The following PELI2 variants were observed in gnomAD, a reference collection of about 807,000 sequenced individuals.
PELI2 encodes the protein E3 ubiquitin-protein ligase pellino homolog 2.
Under a neutral mutation model 42.3 loss-of-function variants are expected in PELI2, and 23 were observed. The ratio of observed to expected loss-of-function variants is 0.54; its 90% CI spans 0.39 to 0.77. The LOEUF is 0.77. Ranked by LOEUF, PELI2 falls within the 30% of genes least tolerant of loss-of-function variation. PELI2 has a pLI of 0.00. For missense variants in PELI2, 463 were observed against 553.2 expected (o/e 0.84, Z 1.64); for synonymous variants, 245 against 212.2 (o/e 1.15, Z -1.34).
chr14:56,233,328 G>C (rs1408512466), intron 2 of PELI2, among the ~76,000 whole-genome samples: 1 of 152,164 alleles, frequency 6.6e-6, no homozygotes, highest in Non-Finnish European at 1.5e-5. Flanking sequence ...CAAAGCTGGA[G>C]GCATCAAGCT....
intron 5 of PELI2, among the ~76,000 whole-genome samples, chr14:56,295,296 C>A (rs1028935976): frequency 1.3e-5 from 2 of 152,128 alleles, no homozygotes; most frequent in African/African-American, 4.8e-5. Context: ...CCCCTACCAA[C>A]TCCCTCTGGG....
intron 1 of PELI2, among the ~76,000 whole-genome samples, chr14:56,152,225 C>T (rs1355014594): frequency 1.3e-5 from 2 of 152,148 alleles, no homozygotes; most frequent in Non-Finnish European, 2.9e-5. Context: ...GTTAGATTCC[C>T]AGTTCTGCCA....
In PELI2 at chr14:56,197,969, GACACACACACAC is replaced by G. The variant is rs4038318; in HGVS notation, c.207+19538_207+19549del. Among the ~76,000 whole-genome samples the G allele has an allele frequency of 0.046, 5,929 of 129,748 alleles. 161 individuals carry two copies. The highest frequency in any genetic ancestry group is 0.062 in the Non-Finnish European group (3,879 of 62,222). 85.1% of individuals were successfully genotyped at this position (129,748 alleles called of 152,430 possible). A position where few individuals can be genotyped will look rare whatever the true frequency, so the allele number is the denominator to read the frequency against. ...CACACCAGGGATCATGACTGGTGAA[GACACACACACAC>G]ACACACACACACACACACACACACA... On this transcript the variant is annotated intron_variant, in intron 2 of 5. Coordinates refer to ENST00000267460, the MANE Select transcript of PELI2 (RefSeq NM_021255.3). This position sits in a 1 kb window ranked among gnomAD's most constrained non-coding sequence, Gnocchi z 4.9.
chr14:56,185,509 G>A (rs1277597736), intron 2 of PELI2, among the ~76,000 whole-genome samples: 1 of 152,158 alleles, frequency 6.6e-6, no homozygotes, highest in Non-Finnish European at 1.5e-5. Context: ...AAGATCTGAA[G>A]CAGCATACCT....
At chr14:56,269,390 C>T (rs540448242) in intron 2 of PELI2, among the ~76,000 whole-genome samples, 155 of 152,154 alleles carry the variant, frequency 1.0e-3, no homozygotes, top group Admixed American at 5.1e-3. Flanking sequence ...CTGCAATGAG[C>T]TGTGACTGTG....
intron 2 of PELI2, among the ~76,000 whole-genome samples, chr14:56,203,996 T>C (rs1886430020): frequency 6.6e-6 from 1 of 152,112 alleles, no homozygotes. Flanking sequence ...GAAAAAATAA[T>C]GGCAGTTCCC....
chr14:56,156,650 A>C (rs1057311286), intron 1 of PELI2, among the ~76,000 whole-genome samples: 3 of 152,228 alleles, frequency 2.0e-5, no homozygotes, highest in Non-Finnish European at 4.4e-5. Flanking sequence ...TTACCTGTCC[A>C]GTATGGTAGC....
At chr14:56,140,219 G>A (rs1294762547) in intron 1 of PELI2, among the ~76,000 whole-genome samples, 1 of 151,800 alleles carries the variant, frequency 6.6e-6, no homozygotes, top group African/African-American at 2.4e-5. Flanking sequence ...TCTCATGAAT[G>A]TCGTCAGGAC....
At chr14:56,182,560 T>G (rs1056252165) in intron 2 of PELI2, among the ~76,000 whole-genome samples, 2 of 152,208 alleles carry the variant, frequency 1.3e-5, no homozygotes, top group Non-Finnish European at 2.9e-5. Flanking sequence ...TGTCCTTTTT[T>G]GGATATTTTA....
chr14:56,288,392 C>T lies in PELI2; in HGVS notation c.310-45C>T, dbSNP rs774960859. On this transcript the variant is annotated intron_variant, in intron 3 of 5. Coordinates refer to ENST00000267460, the MANE Select transcript of PELI2 (RefSeq NM_021255.3). This position sits in a 1 kb window ranked among gnomAD's most constrained non-coding sequence, Gnocchi z 4.6. ...TTTCCTTGTGAATAAAATACGGCACCCTGCTATTTTCCAAGTGAATCACGA... is the reference window on the plus strand; with the variant it reads ...TTTCCTTGTGAATAAAATACGGCACTCTGCTATTTTCCAAGTGAATCACGA... The T allele has an allele frequency of 4.2e-6, 6 of 1,441,924 alleles. No homozygotes were observed. Among genetic ancestry groups the T allele is most frequent in the Non-Finnish European group, 4.9e-6 (5 of 1,029,416 alleles). 89.3% of individuals were successfully genotyped at this position (1,441,924 alleles called of 1,614,324 possible). A position where few individuals can be genotyped will look rare whatever the true frequency, so the allele number is the denominator to read the frequency against.
At chr14:56,235,971 T>G (rs12892169) in intron 2 of PELI2, among the ~76,000 whole-genome samples, 61,093 of 151,816 alleles carry the variant, frequency 0.4, 12,974 homozygotes, top group South Asian at 0.53. Context: ...ATAAAATAAT[T>G]TAACTGTTGG....
chr14:56,160,374 C>G (rs1387697300), intron 1 of PELI2, among the ~76,000 whole-genome samples: 1 of 152,176 alleles, frequency 6.6e-6, no homozygotes, highest in Non-Finnish European at 1.5e-5. Context: ...AGAGCCAGGA[C>G]ACAGTCCTCC....
chr14:56,174,363 A>G (rs1885293949), intron 1 of PELI2, among the ~76,000 whole-genome samples: 1 of 152,174 alleles, frequency 6.6e-6, no homozygotes, highest in Middle Eastern at 3.2e-3. Context: ...TGATTACTTT[A>G]TATTTCCAGT....
chr14:56,270,611 A>G (rs912461098), intron 2 of PELI2, among the ~76,000 whole-genome samples: 1 of 152,222 alleles, frequency 6.6e-6, no homozygotes, highest in Non-Finnish European at 1.5e-5. Context: ...GCCAAACAGA[A>G]TAGTGGGGTC....
At chr14:56,210,573 T>A (rs1322155532) in intron 2 of PELI2, among the ~76,000 whole-genome samples, 1 of 152,200 alleles carries the variant, frequency 6.6e-6, no homozygotes. Flanking sequence ...GAGTTTGTGA[T>A]CCCATTAGTT....
intron 2 of PELI2, among the ~76,000 whole-genome samples, chr14:56,210,644 G>A (rs1233703617): frequency 6.6e-6 from 1 of 152,168 alleles, no homozygotes; most frequent in East Asian, 1.9e-4. Context: ...CTTGGGAATA[G>A]GTGAATAGAT....
At chr14:56,119,690 C>T (rs1228272243) in intron 1 of PELI2, 6 of 817,580 alleles carry the variant, frequency 7.3e-6, no homozygotes, top group Non-Finnish European at 8.9e-6. Flanking sequence ...ATATAGTGGG[C>T]AGTGAAAGGG....
Position 56,197,586 on chromosome 14 carries a change from A to G in PELI2, c.207+19122A>G, listed in dbSNP as rs964198936. On this transcript the variant is annotated intron_variant, in intron 2 of 5. Transcript: ENST00000267460. The surrounding 1 kb of genome is among the most constrained non-coding windows in gnomAD (Gnocchi z 4.9). ...CCTGTTGCATTGGCTTAGACCAGAAATGAAGTGGCTTAGACTAGTGTAATG... is the reference window on the plus strand; with the variant it reads ...CCTGTTGCATTGGCTTAGACCAGAAGTGAAGTGGCTTAGACTAGTGTAATG... Among the ~76,000 whole-genome samples, 1 of 152,182 alleles carries G rather than the reference A, an allele frequency of 6.6e-6. No homozygotes were observed. Among genetic ancestry groups the G allele is most frequent in the African/African-American group, 2.4e-5 (1 of 41,434 alleles).
At chr14:56,268,150 T>G (rs993140523) in intron 2 of PELI2, among the ~76,000 whole-genome samples, 3 of 152,220 alleles carry the variant, frequency 2.0e-5, no homozygotes, top group African/African-American at 7.2e-5. Context: ...GTTATGTACC[T>G]TGTTTTAACT....
Sources: allele counts gnomAD v4.1 joint callset (sites outside exome capture counted in the v4.1 genomes callset), GRCh38; gene constraint gnomAD v4.1.1; non-coding constraint Gnocchi (gnomAD v3.1); transcripts MANE v1.5; gene names NCBI Gene and HGNC (gene_info 2026-07-23, HGNC 2026-07-21).